Variants in UQCR11 observed in about 807,000 individuals in gnomAD.
UQCR11 encodes ubiquinol-cytochrome c reductase, complex III subunit XI, also known as cytochrome b-c1 complex subunit 10.
A neutral mutation model predicts 7.6 loss-of-function variants in UQCR11; 10 were observed. The ratio of observed to expected loss-of-function variants is 1.31; its 90% CI spans 0.81 to 2.22. The LOEUF (loss-of-function observed/expected upper bound fraction) is 2.22. Ranked by LOEUF, UQCR11 falls within the 30% of genes most tolerant of loss-of-function variation. The pLI, the probability that UQCR11 is intolerant of heterozygous loss-of-function variation, is 0.00. For synonymous variants in UQCR11, 34 were observed against 34.9 expected, an observed-to-expected ratio of 0.97 and a Z score of 0.09; for missense variants, 86 against 75.1, an observed-to-expected ratio of 1.15 and a Z score of -0.54.
At chr19:1,604,517 T>C (rs2060756115) in intron 1 of UQCR11, among the ~76,000 whole-genome samples, 1 of 151,762 alleles carries the variant, frequency 6.6e-6, no homozygotes, top group Non-Finnish European at 1.5e-5. Context: ...GGCTAAGACC[T>C]TGCTGCTTTT....
In UQCR11 at chr19:1,599,404, A is replaced by C. The variant is rs2060740448; in HGVS notation, c.*28+8T>G. 1.9e-6 allele frequency: 3 copies of C among 1,611,398 alleles called. No homozygotes were observed. The highest frequency in any genetic ancestry group is 2.2e-5 in the South Asian group (2 of 91,018). On this transcript the variant is annotated splice_region_variant and intron_variant, in intron 2 of 2. Transcript: ENST00000591899. The stretch of plus-strand genomic sequence containing the variant: ...GCAGTCCACCCACCGCAGCCCACTG[A>C]AACTTACCAGAGCAGTCTGTGAAGG...
chr19:1,603,054 G>A (rs550146157), intron 1 of UQCR11, among the ~76,000 whole-genome samples: 2 of 152,294 alleles, frequency 1.3e-5, no homozygotes, highest in East Asian at 1.9e-4. Context: ...CTAAGTCTGA[G>A]ACTCTGAGAC....
intron 1 of UQCR11, among the ~76,000 whole-genome samples, chr19:1,601,246 A>C (rs2060746336): frequency 6.6e-6 from 1 of 151,920 alleles, no homozygotes; most frequent in African/African-American, 2.4e-5. Context: ...GCCAGCTGCC[A>C]TGCTGTGAGA....
At position 1,605,402 on chromosome 19, in the gene UQCR11, G is replaced by C. The variant is rs139186349; in HGVS notation, c.8C>G (p.Thr3Ser). 9.9e-5 allele frequency: 156 copies of C among 1,575,440 alleles called. 1 individual carries two copies. Among genetic ancestry groups the C allele is most frequent in the Non-Finnish European group, 1.2e-4 (144 of 1,165,458 alleles). ...CCGGTAGCGTGGGCCCAGGAACCGGGTCACCATCGCGGCGGAGTCGCACCC... is the reference window on the plus strand; with the variant it reads ...CCGGTAGCGTGGGCCCAGGAACCGGCTCACCATCGCGGCGGAGTCGCACCC... MV[T>S]RFLGPRYREL... is the part of the protein sequence containing the mutation. The change falls in exon 1 of 3, where the codon ACC becomes AGC. Residue 3 changes from threonine (T) to serine (S), a missense_variant. By Grantham distance (58) the Thr-to-Ser change is moderately conservative. Coordinates refer to ENST00000591899, the MANE Select transcript of UQCR11 (RefSeq NM_006830.4).
At chr19:1,604,157 T>C (rs1165384645) in intron 1 of UQCR11, among the ~76,000 whole-genome samples, 3 of 152,272 alleles carry the variant, frequency 2.0e-5, no homozygotes, top group Middle Eastern at 3.4e-3. Flanking sequence ...GTTGGTCAGG[T>C]TGGTCTCAAA....
Position 1,599,580 on chromosome 19 carries a change from G to C in UQCR11, c.51-20C>G. On this transcript the variant is annotated intron_variant, in intron 1 of 2. Coordinates refer to ENST00000591899, the MANE Select transcript of UQCR11 (RefSeq NM_006830.4). ...GGGACCCTGCGAGAGGAGAGGGGATGGTCAGGCCTGCTCTGGACCCTTTCT... is the reference window on the plus strand; with the variant it reads ...GGGACCCTGCGAGAGGAGAGGGGATCGTCAGGCCTGCTCTGGACCCTTTCT... The C allele has an allele frequency of 6.2e-7, 1 of 1,604,460 alleles. No homozygotes were observed. Among genetic ancestry groups the C allele is most frequent in the South Asian group, 1.1e-5 (1 of 91,062 alleles).
intron 1 of UQCR11, among the ~76,000 whole-genome samples, chr19:1,602,870 G>A (rs1216747674): frequency 6.6e-6 from 1 of 152,224 alleles, no homozygotes; most frequent in Non-Finnish European, 1.5e-5. Flanking sequence ...AGTGTGGGAA[G>A]AGCCCACAAA....
At chr19:1,604,659 C>A (rs1030044824) in intron 1 of UQCR11, among the ~76,000 whole-genome samples, 1 of 152,228 alleles carries the variant, frequency 6.6e-6, no homozygotes, top group African/African-American at 2.4e-5. Flanking sequence ...TCCCGAGTAG[C>A]TGGGATTAGA....
At chr19:1,602,711 C>G (rs1258052662) in intron 1 of UQCR11, among the ~76,000 whole-genome samples, 1 of 152,188 alleles carries the variant, frequency 6.6e-6, no homozygotes, top group Non-Finnish European at 1.5e-5. Flanking sequence ...CTCAGCCTCT[C>G]AAGGTTCTGG....
intron 1 of UQCR11, 51 bp downstream of exon 1, chr19:1,605,309 G>T: frequency 6.5e-7 from 1 of 1,533,912 alleles, no homozygotes; most frequent in Non-Finnish European, 8.7e-7. Flanking sequence ...CAGCGGCGCG[G>T]GGCTGGGCCG....
At chr19:1,599,237 G>A (rs2060739945) in intron 2 of UQCR11, 175 bp downstream of exon 2, 3 of 774,744 alleles carry the variant, frequency 3.9e-6, no homozygotes, top group East Asian at 5.7e-5. Context: ...GGACAGTTCT[G>A]TGCCCGTGGG....
rs538639829 is a variant in UQCR11 at position 1,605,316 on chromosome 19, G to A, written c.50+44C>T. On this transcript the variant is annotated intron_variant, in intron 1 of 2. Coordinates refer to ENST00000591899, the MANE Select transcript of UQCR11 (RefSeq NM_006830.4). ...ACGGAACGCAGCGGCGCGGGGCTGG[G>A]CCGAGGCGGGAGCGCGGATGGGGCC... is the stretch of plus-strand genomic sequence containing the variant. The A allele has an allele frequency of 1.6e-5, 25 of 1,543,190 alleles. No individual in the cohort carries two copies. The African/African-American group carries it at 2.9e-4, about 18-fold the overall frequency.
chr19:1,605,425 C>G lies in UQCR11; in HGVS notation c.-16G>C. 2 of 1,558,078 alleles carry G rather than the reference C, an allele frequency of 1.3e-6. No individual in the cohort carries two copies. The highest frequency in any genetic ancestry group is 1.7e-6 in the Non-Finnish European group (2 of 1,156,798). Reference sequence around the variant, plus strand: ...GGGTCACCATCGCGGCGGAGTCGCACCCTCAGGATGACCCTGTCCAGCTGA... The same window carrying G: ...GGGTCACCATCGCGGCGGAGTCGCAGCCTCAGGATGACCCTGTCCAGCTGA... On this transcript the variant is annotated 5_prime_UTR_variant, in exon 1 of 3. Transcript: ENST00000591899.
intron 2 of UQCR11, chr19:1,598,989 T>C (rs959508499): frequency 1.1e-5 from 2 of 174,560 alleles, no homozygotes; most frequent in Non-Finnish European, 2.5e-5. Flanking sequence ...GCAGCTGGCA[T>C]GCTGGAGAAA....
rs567794161 is a variant in UQCR11 at position 1,598,570 on chromosome 19, G to A, written c.*29-355C>T. Among the ~76,000 whole-genome samples, 185 of 152,028 alleles carry A rather than the reference G, an allele frequency of 1.2e-3. 1 individual carries two copies. Among genetic ancestry groups the A allele is most frequent in the African/African-American group, 4.3e-3 (178 of 41,498 alleles). On this transcript the variant is annotated intron_variant, in intron 2 of 2. Coordinates refer to ENST00000591899, the MANE Select transcript of UQCR11 (RefSeq NM_006830.4). ...AAAAAAAAAAAAAAAAATTAGCTGC[G>A]TGTAGTGGTGGGCACCTGTAGTCCC...
rs888599890 is a variant in UQCR11, at chr19:1,597,217, T to C, written c.*1027A>G. ...TTTATTTTTTCATTTTTTTTCTTTT[T>C]ATCAGAGACAGGGGCCTCTTTGTTG... is the stretch of plus-strand genomic sequence containing the variant. On this transcript the variant is annotated 3_prime_UTR_variant, in exon 3 of 3. Transcript: ENST00000591899. 4 of 152,158 alleles carry C rather than the reference T, an allele frequency of 2.6e-5. No homozygotes were observed. The highest frequency in any genetic ancestry group is 9.7e-5 in the African/African-American group (4 of 41,424). The allele number at this position is 152,158 out of a possible 1,614,324, so 9.4% of individuals were successfully genotyped here.
chr19:1,597,543 C>T lies in UQCR11; in HGVS notation c.*701G>A, dbSNP rs2060734973. The stretch of plus-strand genomic sequence containing the variant: ...GCACTGTGGCTTGCTCCTTCCTCTC[C>T]CTTGGTTCACCTGCTCTGGGGAAGG... On this transcript the variant is annotated 3_prime_UTR_variant, in exon 3 of 3. Coordinates refer to ENST00000591899, the MANE Select transcript of UQCR11 (RefSeq NM_006830.4). The T allele has an allele frequency of 6.6e-6, 1 of 152,258 alleles. No individual in the cohort carries two copies. The highest frequency in any genetic ancestry group is 6.6e-5 in the Admixed American group (1 of 15,266). The allele number at this position is 152,258 out of a possible 1,614,324, so 9.4% of individuals were successfully genotyped here.
At chr19:1,602,944 C>T (rs1435967379) in intron 1 of UQCR11, among the ~76,000 whole-genome samples, 3 of 152,198 alleles carry the variant, frequency 2.0e-5, no homozygotes, top group Non-Finnish European at 2.9e-5. Flanking sequence ...CCAACGACCT[C>T]GTCGCCACGA....
chr19:1,600,647 G>T (rs1599356813), intron 1 of UQCR11, among the ~76,000 whole-genome samples: 1 of 152,216 alleles, frequency 6.6e-6, no homozygotes, highest in East Asian at 1.9e-4. Flanking sequence ...TGAGGCAGGA[G>T]GCTCACTTGA....
Sources: gnomAD v4.1 joint callset for allele counts (sites outside exome capture counted in the v4.1 genomes callset) on GRCh38, gnomAD v4.1.1 for gene constraint, MANE v1.5 for transcripts, NCBI Gene and HGNC (gene_info 2026-07-23, HGNC 2026-07-21) for gene names.